Variants in ABCC4 observed in about 807,000 individuals in gnomAD.
ABCC4 encodes the protein ATP-binding cassette sub-family C member 4.
In ABCC4, 102 loss-of-function variants were observed where a neutral mutation model predicts 168.5. That is an observed-to-expected ratio of 0.61 (90% CI 0.52 to 0.71). The LOEUF (loss-of-function observed/expected upper bound fraction) is 0.71, where lower values mean the gene tolerates loss of function less well. Among genes scored for constraint, ABCC4 ranks in the 30% least tolerant of loss-of-function variants. The pLI is 0.00. For missense variants in ABCC4, 1,402 were observed against 1,605.8 expected, an observed-to-expected ratio of 0.87 and a Z score of 2.17; for synonymous variants, 617 against 590.7, an observed-to-expected ratio of 1.04 and a Z score of -0.65.
At chr13:95,035,278 T>C (rs1220481665) in intron 29 of ABCC4, among the ~76,000 whole-genome samples, 5 of 152,216 alleles carry the variant, frequency 3.3e-5, no homozygotes, top group Non-Finnish European at 7.3e-5. Context: ...TTCTAGAACA[T>C]GTCAGCTGCC....
At chr13:95,074,637 A>C (rs1566394479) in intron 22 of ABCC4, among the ~76,000 whole-genome samples, 1 of 152,190 alleles carries the variant, frequency 6.6e-6, no homozygotes, top group Non-Finnish European at 1.5e-5. Context: ...AGTGCATCTC[A>C]TGTGAAGTCC....
chr13:95,295,683 G>A (rs1482279429), intron 1 of ABCC4, among the ~76,000 whole-genome samples: 2 of 151,486 alleles, frequency 1.3e-5, no homozygotes, highest in African/African-American at 4.9e-5. Context: ...TTAGCTAGGT[G>A]TCCAGGTGCG....
intron 20 of ABCC4, among the ~76,000 whole-genome samples, chr13:95,108,784 C>T (rs1391614468): frequency 1.3e-5 from 2 of 152,084 alleles, no homozygotes; most frequent in Admixed American, 6.5e-5. Context: ...AGGTACCCTG[C>T]TCATGCTTGG....
At chr13:95,297,736 C>T (rs1046759869) in intron 1 of ABCC4, among the ~76,000 whole-genome samples, 2 of 152,028 alleles carry the variant, frequency 1.3e-5, no homozygotes, top group Middle Eastern at 3.2e-3. Context: ...TTTGGGAGGC[C>T]GAGGCAGGCA....
At position 95,075,534 on chromosome 13, in the gene ABCC4, A is replaced by G. The variant is rs1004189967; in HGVS notation, c.2704T>C (p.Ser902Pro). The part of the protein sequence containing the change: ...LESTTRSPVF[S>P]HLSSSLQGLW... ...CCCTGGAGAGAAGATGATAAGTGGG[A>G]AAACACTGGACTCCGAGCTGGGGAA... The change falls in exon 22 of 31, where the codon TCC becomes CCC. Residue 902 changes from serine to proline, a missense_variant. Physicochemically the swap from Ser to Pro is moderately conservative, Grantham distance 74. Around this residue, in one of 3 missense-constraint regions of ABCC4, gnomAD observed 1,007 missense variants for 1,127.3 expected, o/e 0.89. Transcript: ENST00000645237. The G allele has an allele frequency of 2.5e-6, 4 of 1,613,926 alleles. No individual in the cohort carries two copies. The highest frequency in any genetic ancestry group is 2.7e-5 in the African/African-American group (2 of 74,922).
Position 95,020,882 on chromosome 13 carries a change from T to C in ABCC4, c.*693A>G, listed in dbSNP as rs1359412432. On this transcript the variant is annotated 3_prime_UTR_variant, in exon 31 of 31. Coordinates refer to ENST00000645237, the MANE Select transcript of ABCC4 (RefSeq NM_005845.5). ...AGGATGGACGGTCACATTTGTGTCC[T>C]TCAGTATCAAAGCACCTTTAAGGGC... is the stretch of plus-strand genomic sequence containing the variant. 6.6e-6 allele frequency: 1 copy of C among 152,440 alleles called. No individual in the cohort carries two copies. The highest frequency in any genetic ancestry group is 1.5e-5 in the Non-Finnish European group (1 of 68,034). The allele number at this position is 152,440 out of a possible 1,614,324, so 9.4% of individuals were successfully genotyped here.
intron 8 of ABCC4, among the ~76,000 whole-genome samples, chr13:95,196,592 GGAAGGAAGGAAGGAAGGAAGGAAGGAA>G (rs1289715310): frequency 2.2e-3 from 4 of 1,786 alleles, no homozygotes; most frequent in Non-Finnish European, 6.6e-3. Flanking sequence ...GAGGAAGGAA[GGAAGGAAGGAAGGAAGGAAGGAAGGAA>G]GGAAGGAAGG....
At chr13:95,281,370 AAGAAC>A (rs2041122920) in intron 1 of ABCC4, among the ~76,000 whole-genome samples, 1 of 151,966 alleles carries the variant, frequency 6.6e-6, no homozygotes, top group Non-Finnish European at 1.5e-5. Flanking sequence ...TTCTGCCTGA[AAGAAC>A]AGAACAGCTT....
intron 11 of ABCC4, among the ~76,000 whole-genome samples, chr13:95,180,064 G>C (rs538747066): frequency 3.0e-4 from 46 of 152,002 alleles, no homozygotes; most frequent in African/African-American, 1.1e-3. Context: ...ATCACCAAAT[G>C]GAAAAAAACA....
intron 19 of ABCC4, among the ~76,000 whole-genome samples, chr13:95,121,250 T>C (rs2035560728): frequency 6.6e-6 from 1 of 152,060 alleles, no homozygotes; most frequent in African/African-American, 2.4e-5. Flanking sequence ...CCTGGACTAC[T>C]TCACAGGGCC....
chr13:95,105,876 A>C (rs2034986033), intron 20 of ABCC4, among the ~76,000 whole-genome samples: 2 of 152,214 alleles, frequency 1.3e-5, no homozygotes, highest in African/African-American at 4.8e-5. Flanking sequence ...AGGTGACCGC[A>C]AAGAGCAGGG....
At position 95,226,132 on chromosome 13, in the gene ABCC4, CAACAG is replaced by C. The variant is rs2039459507; in HGVS notation, c.531+8473_531+8477del. ...TTGCCCTGTTGGAGAATTACTTCTCCAACAGGGCAATTACTTCATCTGGAATTACT... is the reference window on the plus strand; with the variant it reads ...TTGCCCTGTTGGAGAATTACTTCTCCGGCAATTACTTCATCTGGAATTACT... On this transcript the variant is annotated intron_variant, in intron 4 of 30. Transcript: ENST00000645237. Among the ~76,000 whole-genome samples the C allele has an allele frequency of 2.7e-5, 4 of 149,800 alleles. No individual in the cohort carries two copies. In the South Asian group the frequency reaches 8.4e-4, roughly 32 times the overall value.
Position 95,116,012 on chromosome 13 carries a change from A to G in ABCC4, c.2456-11T>C. 1 of 1,602,182 alleles carries G rather than the reference A, an allele frequency of 6.2e-7. No individual in the cohort carries two copies. Among genetic ancestry groups the G allele is most frequent in the Non-Finnish European group, 8.5e-7 (1 of 1,174,166 alleles). On this transcript the variant is annotated splice_polypyrimidine_tract_variant and intron_variant, in intron 19 of 30. Coordinates refer to ENST00000645237, the MANE Select transcript of ABCC4 (RefSeq NM_005845.5). Reference sequence around the variant, plus strand: ...GATTTAAAATTCTTCCTGCAAGAACAGGATATGAAAAATTACTCATTTCCC... The same window carrying G: ...GATTTAAAATTCTTCCTGCAAGAACGGGATATGAAAAATTACTCATTTCCC...
intron 19 of ABCC4, among the ~76,000 whole-genome samples, chr13:95,132,008 C>T (rs1174526306): frequency 6.6e-6 from 1 of 152,106 alleles, no homozygotes; most frequent in African/African-American, 2.4e-5. Flanking sequence ...CACTCATGTT[C>T]ACAGCAGCAC....
At chr13:95,099,093 T>C (rs2034709131) in intron 20 of ABCC4, among the ~76,000 whole-genome samples, 1 of 152,210 alleles carries the variant, frequency 6.6e-6, no homozygotes, top group Non-Finnish European at 1.5e-5. Context: ...CATTCATTGC[T>C]AAAAACTGGC....
At chr13:95,256,610 T>C (rs918912298) in intron 1 of ABCC4, among the ~76,000 whole-genome samples, 4 of 151,982 alleles carry the variant, frequency 2.6e-5, no homozygotes, top group African/African-American at 9.7e-5. Flanking sequence ...TACAAAAAAC[T>C]GGCCAGGTGT....
At chr13:95,269,208 C>T in intron 1 of ABCC4, 1 of 444,562 alleles carries the variant, frequency 2.2e-6, no homozygotes, top group Non-Finnish European at 4.5e-6. Flanking sequence ...GAATTTGTAG[C>T]TGGTTGACTA....
At chr13:95,301,050 G>A (rs949000353) in intron 1 of ABCC4, among the ~76,000 whole-genome samples, 191 bp downstream of exon 1, 11 of 152,022 alleles carry the variant, frequency 7.2e-5, no homozygotes, top group Admixed American at 5.9e-4. Context: ...GGCGCAGGCA[G>A]GGACCACGCG....
intron 16 of ABCC4, 56 bp downstream of exon 16, chr13:95,164,322 A>T: frequency 6.3e-7 from 1 of 1,596,352 alleles, no homozygotes; most frequent in Non-Finnish European, 8.6e-7. Flanking sequence ...ATAATAGCAT[A>T]AACATAGGTA....
Sources: gnomAD v4.1 joint callset for allele counts (sites outside exome capture counted in the v4.1 genomes callset) on GRCh38, gnomAD v4.1.1 for gene constraint, gnomAD v4.1.1 regional missense constraint, MANE v1.5 for transcripts, NCBI Gene and HGNC (gene_info 2026-07-23, HGNC 2026-07-21) for gene names.